Variants in NRG3 observed in about 807,000 individuals in gnomAD.
NRG3 encodes neuregulin 3.
NRG3 carries 31 observed loss-of-function variants against 66.9 expected under a neutral mutation model. That is an observed-to-expected ratio of 0.46 (90% confidence interval 0.35 to 0.63). The LOEUF (loss-of-function observed/expected upper bound fraction) is 0.63. Among genes scored for constraint, NRG3 ranks in the 20% least tolerant of loss-of-function variants. The pLI is 0.00. For synonymous variants in NRG3, 393 were observed against 359.4 expected, an observed-to-expected ratio of 1.09 and a Z score of -1.06; for missense variants, 910 against 878.9, an observed-to-expected ratio of 1.04 and a Z score of -0.45.
rs147268373 is a variant in NRG3, at chr10:82,023,159, A to G, written c.823+146996A>G. Among the ~76,000 whole-genome samples the G allele has an allele frequency of 3.9e-3, 583 of 150,866 alleles. 3 individuals are homozygous for G. Among genetic ancestry groups the G allele is most frequent in the African/African-American group, 0.014 (557 of 41,112 alleles). ...ATTGCTCTCTTGATTTCTTTTAGAG[A>G]TTCTCTGCTGTTGGTGTATTGACCT... On this transcript the variant is annotated intron_variant, in intron 1 of 8. Coordinates refer to ENST00000372141, the MANE Select transcript of NRG3 (RefSeq NM_001010848.4).
At chr10:82,032,113 C>CTT (rs775828429) in intron 1 of NRG3, among the ~76,000 whole-genome samples, 16 of 144,858 alleles carry the variant, frequency 1.1e-4, no homozygotes, top group African/African-American at 3.8e-4. Context: ...TTGTTTGATT[C>CTT]TTTTTTTTTT....
chr10:82,865,876 T>G (rs537631051), intron 4 of NRG3, among the ~76,000 whole-genome samples: 1 of 152,330 alleles, frequency 6.6e-6, no homozygotes, highest in East Asian at 1.9e-4. Context: ...CCCTTCCTTT[T>G]GTGAGATGAT....
chr10:82,272,313 C>G (rs2078639461), intron 1 of NRG3, among the ~76,000 whole-genome samples: 2 of 152,012 alleles, frequency 1.3e-5, no homozygotes, highest in South Asian at 4.1e-4. Flanking sequence ...CAGTTGGTAG[C>G]TACCAGGAGT....
At chr10:82,370,797 A>G (rs1242022033) in intron 2 of NRG3, among the ~76,000 whole-genome samples, 3 of 152,214 alleles carry the variant, frequency 2.0e-5, no homozygotes, top group African/African-American at 7.2e-5. Flanking sequence ...TCCTTGTTTT[A>G]TAGAAAAAAG....
intron 1 of NRG3, among the ~76,000 whole-genome samples, chr10:82,216,455 T>A (rs534529564): frequency 7.4e-6 from 1 of 135,278 alleles, no homozygotes; most frequent in African/African-American, 3.2e-5. Flanking sequence ...ATACATTTTA[T>A]ATATATGTGT....
chr10:82,498,409 G>T (rs888659116), intron 2 of NRG3, among the ~76,000 whole-genome samples: 1 of 152,120 alleles, frequency 6.6e-6, no homozygotes, highest in Non-Finnish European at 1.5e-5. Context: ...GCAGAAGTTA[G>T]AAGAGGCACC....
At chr10:82,689,491 C>T (rs1055871552) in intron 2 of NRG3, among the ~76,000 whole-genome samples, 2 of 152,146 alleles carry the variant, frequency 1.3e-5, no homozygotes, top group Admixed American at 1.3e-4. Flanking sequence ...TCACAGTCTG[C>T]TAGATGCCCA....
At chr10:82,348,651 C>G (rs1301838886) in intron 1 of NRG3, among the ~76,000 whole-genome samples, 1 of 148,614 alleles carries the variant, frequency 6.7e-6, no homozygotes, top group East Asian at 2.0e-4. Flanking sequence ...TGGATAATAT[C>G]CTGCAGAGTG....
At chr10:82,097,998 A>G (rs1372384379) in intron 1 of NRG3, among the ~76,000 whole-genome samples, 2 of 151,764 alleles carry the variant, frequency 1.3e-5, no homozygotes. Flanking sequence ...TCTGAAACCG[A>G]GAAGGATCTG....
chr10:82,053,112 A>G (rs929959562), intron 1 of NRG3, among the ~76,000 whole-genome samples: 42 of 151,404 alleles, frequency 2.8e-4, no homozygotes, highest in African/African-American at 8.7e-4. Context: ...GCTCCCATGT[A>G]TTCATGTATT....
intron 1 of NRG3, among the ~76,000 whole-genome samples, chr10:81,920,116 T>A (rs1020343375): frequency 6.9e-6 from 1 of 145,416 alleles, no homozygotes; most frequent in African/African-American, 2.8e-5. Context: ...TGGCCTGAGG[T>A]GTAAGGATGA....
At chr10:82,305,790 G>T (rs2080691945) in intron 1 of NRG3, among the ~76,000 whole-genome samples, 1 of 152,010 alleles carries the variant, frequency 6.6e-6, no homozygotes, top group Non-Finnish European at 1.5e-5. Context: ...AATTCTAACT[G>T]CTGTAAATAG....
chr10:82,133,239 A>AT (rs998376158), intron 1 of NRG3, among the ~76,000 whole-genome samples: 3 of 151,780 alleles, frequency 2.0e-5, no homozygotes, highest in South Asian at 2.1e-4. Flanking sequence ...TGTACCTCAT[A>AT]TTTTTTTAAC....
At chr10:82,899,701 G>C (rs1844023163) in intron 4 of NRG3, among the ~76,000 whole-genome samples, 2 of 152,108 alleles carry the variant, frequency 1.3e-5, no homozygotes, top group African/African-American at 4.8e-5. Flanking sequence ...GACGATGATT[G>C]CTATTTAAAG....
intron 2 of NRG3, among the ~76,000 whole-genome samples, chr10:82,488,446 C>A (rs1224981873): frequency 6.6e-6 from 1 of 152,224 alleles, no homozygotes; most frequent in Non-Finnish European, 1.5e-5. Context: ...TTGATTAAAT[C>A]TGGACTACAT....
At chr10:82,925,202 A>G (rs1305888960) in intron 4 of NRG3, among the ~76,000 whole-genome samples, 4 of 152,156 alleles carry the variant, frequency 2.6e-5, no homozygotes, top group Non-Finnish European at 5.9e-5. Context: ...ACTCTACCAC[A>G]TCCCCTCTCC....
chr10:82,927,848 G>A (rs1363061927), intron 4 of NRG3, among the ~76,000 whole-genome samples: 1 of 152,080 alleles, frequency 6.6e-6, no homozygotes, highest in East Asian at 1.9e-4. Context: ...TAATCCTTTG[G>A]CTATATACCC....
chr10:82,555,563 A>C (rs909138265), intron 2 of NRG3, among the ~76,000 whole-genome samples: 1 of 152,212 alleles, frequency 6.6e-6, no homozygotes, highest in Non-Finnish European at 1.5e-5. Flanking sequence ...TGGAAGATCT[A>C]AATGGAAACT....
intron 1 of NRG3, among the ~76,000 whole-genome samples, chr10:82,198,896 T>G (rs1054073700): frequency 6.6e-6 from 1 of 151,106 alleles, no homozygotes; most frequent in African/African-American, 2.4e-5. Flanking sequence ...ACTCAAGAGG[T>G]TGAGGCAGGA....
Sources: allele counts gnomAD v4.1 joint callset (sites outside exome capture counted in the v4.1 genomes callset), GRCh38; gene constraint gnomAD v4.1.1; transcripts MANE v1.5; gene names NCBI Gene and HGNC (gene_info 2026-07-23, HGNC 2026-07-21).